Variants in RPRD2 observed in about 807,000 individuals in gnomAD.
RPRD2 encodes the protein regulation of nuclear pre-mRNA domain containing 2.
In RPRD2, 12 loss-of-function variants were observed where a neutral mutation model predicts 104.4. The observed-to-expected ratio is 0.11, with a 90% CI of 0.07 to 0.19. RPRD2 has a LOEUF of 0.19. RPRD2 is among the 10% of genes least tolerant of loss of function. The pLI is 1.00. For synonymous variants in RPRD2, 714 were observed against 684.9 expected, an observed-to-expected ratio of 1.04 and a Z score of -0.66; for missense variants, 1,543 against 1,790.1, an observed-to-expected ratio of 0.86 and a Z score of 2.49.
chr1:150,460,985 A>G (rs1341084647), intron 9 of RPRD2, among the ~76,000 whole-genome samples: 2 of 152,140 alleles, frequency 1.3e-5, no homozygotes, highest in African/African-American at 4.8e-5. Context: ...TTGGCCTCCC[A>G]AAGTGCTGGG....
Position 150,471,585 on chromosome 1 carries a change from A to G in RPRD2, c.2637A>G (p.Arg879=). Residue 879 remains arginine (R), a synonymous_variant, in exon 11 of 11, where the codon AGA becomes AGG. Coordinates refer to ENST00000369068, the MANE Select transcript of RPRD2 (RefSeq NM_015203.5). This position sits in a 1 kb window ranked among gnomAD's most constrained non-coding sequence, Gnocchi z 5.3. ...YQPILSSYSH[R]AQEFGVKSAF... is the part of the protein sequence containing the mutation. ...CAATTCTGTCCAGTTATAGCCACAG[A>G]GCCCAAGAATTTGGGGTAAAGTCTG... The G allele has an allele frequency of 1.2e-6, 2 of 1,613,742 alleles. No homozygotes were observed. The highest frequency in any genetic ancestry group is 1.7e-6 in the Non-Finnish European group (2 of 1,179,822).
chr1:150,418,460 G>T (rs1664528457), intron 2 of RPRD2, among the ~76,000 whole-genome samples: 1 of 151,934 alleles, frequency 6.6e-6, no homozygotes, highest in Admixed American at 6.6e-5. Context: ...TTCCCTCCAT[G>T]AAATCTGTAA....
intron 1 of RPRD2, among the ~76,000 whole-genome samples, chr1:150,402,568 C>T (rs1401885805): frequency 6.6e-6 from 1 of 152,132 alleles, no homozygotes; most frequent in Admixed American, 6.5e-5. Context: ...CCCAGCTACT[C>T]AGGTGACTGA....
At chr1:150,408,150 T>G (rs1553886936) in intron 1 of RPRD2, among the ~76,000 whole-genome samples, 1 of 149,016 alleles carries the variant, frequency 6.7e-6, no homozygotes, top group Non-Finnish European at 1.5e-5. Flanking sequence ...TTTTAAAATA[T>G]TCATATGATT....
chr1:150,443,333 G>A (rs1666532793), intron 5 of RPRD2, 50 bp downstream of exon 5: 2 of 1,268,756 alleles, frequency 1.6e-6, no homozygotes, highest in African/African-American at 1.5e-5. Context: ...CACCCCTTTT[G>A]TATTATAGTT....
rs1297350600 is a variant in RPRD2 at position 150,471,840 on chromosome 1, C to G, written c.2892C>G (p.Asp964Glu). The G allele has an allele frequency of 6.2e-7, 1 of 1,613,980 alleles. No homozygotes were observed. Among genetic ancestry groups the G allele is most frequent in the Admixed American group, 1.7e-5 (1 of 60,014 alleles). Residue 964 changes from aspartate (D) to glutamate (E), a missense_variant, in exon 11 of 11, where the codon GAC (aspartate) becomes GAG (glutamate). Transcript: ENST00000369068. This position sits in a 1 kb window ranked among gnomAD's most constrained non-coding sequence, Gnocchi z 5.3. ...HLSLPQKQYP[D>E]SPHPVPHRSL... ...GTTTGCCACAGAAGCAGTACCCAGA[C>G]TCTCCTCACCCAGTCCCACATCGTT...
intron 1 of RPRD2, among the ~76,000 whole-genome samples, chr1:150,393,967 G>A (rs1407066685): frequency 6.6e-6 from 1 of 152,138 alleles, no homozygotes; most frequent in Non-Finnish European, 1.5e-5. Flanking sequence ...AAACAGTCTG[G>A]TGATTGTTGG....
intron 1 of RPRD2, among the ~76,000 whole-genome samples, chr1:150,397,448 A>G (rs1265139271): frequency 6.6e-6 from 1 of 152,138 alleles, no homozygotes; most frequent in Admixed American, 6.6e-5. Context: ...TAGAACTTAT[A>G]TAAGTTCTGT....
intron 6 of RPRD2, 71 bp from the exon 7 acceptor site, chr1:150,446,155 C>A: frequency 1.8e-6 from 2 of 1,133,674 alleles, no homozygotes; most frequent in Non-Finnish European, 2.4e-6. Context: ...AGGTTTTCTT[C>A]AAAAGTCAAA....
Position 150,473,403 on chromosome 1 carries a change from G to A in RPRD2, c.*69G>A. 5.6e-6 allele frequency: 8 copies of A among 1,422,254 alleles called. No homozygotes were observed. Among genetic ancestry groups the A allele is most frequent in the Non-Finnish European group, 7.5e-6 (8 of 1,065,324 alleles). The allele number at this position is 1,422,254 out of a possible 1,614,324, so 88.1% of individuals were successfully genotyped here. ...GGAAGTAGGAGTTTGGTTTATTGTTGTTGTTTTTATTTGTTTTCTCTTTCT... is the reference window on the plus strand; with the variant it reads ...GGAAGTAGGAGTTTGGTTTATTGTTATTGTTTTTATTTGTTTTCTCTTTCT... On this transcript the variant is annotated 3_prime_UTR_variant, in exon 11 of 11. Transcript: ENST00000369068.
Position 150,438,022 on chromosome 1 carries a change from G to A in RPRD2, c.336-2901G>A, listed in dbSNP as rs182564116. 4.8e-3 allele frequency among the ~76,000 whole-genome samples: 698 copies of A among 144,144 alleles called. 6 individuals are homozygous for A. The highest frequency in any genetic ancestry group is 0.016 in the African/African-American group (650 of 39,442). 94.6% of individuals were successfully genotyped at this position (144,144 alleles called of 152,430 possible). On this transcript the variant is annotated intron_variant, in intron 2 of 10. Transcript: ENST00000369068. ...AGTTGAGCCAGGAACCGTGGCTCAC[G>A]CCTGTAACCCCAGCACTTTGGGAGG... is the stretch of plus-strand genomic sequence containing the variant.
chr1:150,401,169 A>G (rs115243900), intron 1 of RPRD2, among the ~76,000 whole-genome samples: 2,105 of 149,504 alleles, frequency 0.014, 54 homozygotes, highest in African/African-American at 0.049. Flanking sequence ...AGAGCGAGAC[A>G]TCATCTCATA....
chr1:150,400,521 A>G (rs1421315923), intron 1 of RPRD2, among the ~76,000 whole-genome samples: 1 of 152,144 alleles, frequency 6.6e-6, no homozygotes, highest in African/African-American at 2.4e-5. Context: ...TGGCATGCGC[A>G]GTTAACAATA....
Position 150,474,123 on chromosome 1 carries a change from C to T in RPRD2, c.*789C>T, listed in dbSNP as rs1430268632. The stretch of plus-strand genomic sequence containing the variant: ...AGTTTCACATGTCTTGCACCAAGCT[C>T]ATGCCTCTTGCTTTTCCTTTTTGAC... On this transcript the variant is annotated 3_prime_UTR_variant, in exon 11 of 11. Transcript: ENST00000369068. 6.6e-6 allele frequency: 1 copy of T among 152,208 alleles called. No individual in the cohort carries two copies. Among genetic ancestry groups the T allele is most frequent in the Non-Finnish European group, 1.5e-5 (1 of 68,044 alleles). 9.4% of individuals were successfully genotyped at this position (152,208 alleles called of 1,614,324 possible).
At chr1:150,406,640 C>G (rs1217477931) in intron 1 of RPRD2, among the ~76,000 whole-genome samples, 1 of 152,170 alleles carries the variant, frequency 6.6e-6, no homozygotes, top group African/African-American at 2.4e-5. Flanking sequence ...CTCAAATGAT[C>G]CTCCTGCCTA....
At chr1:150,457,594 A>G in intron 8 of RPRD2, 24 bp downstream of exon 8, 1 of 1,604,004 alleles carries the variant, frequency 6.2e-7, no homozygotes, top group Non-Finnish European at 8.5e-7. Context: ...TGATTAATAG[A>G]CAACTTATTC....
At chr1:150,441,551 C>T in intron 3 of RPRD2, 1 of 236,360 alleles carries the variant, frequency 4.2e-6, no homozygotes, top group South Asian at 7.6e-5. Context: ...GCTACCATGA[C>T]CGTCATTTTA....
At chr1:150,406,767 T>C (rs1334232068) in intron 1 of RPRD2, among the ~76,000 whole-genome samples, 1 of 152,154 alleles carries the variant, frequency 6.6e-6, no homozygotes, top group Non-Finnish European at 1.5e-5. Flanking sequence ...CAGACTGGAG[T>C]GCAATGGCGT....
Position 150,446,273 on chromosome 1 carries a change from T to G in RPRD2, c.742T>G (p.Ser248Ala). The stretch of plus-strand genomic sequence containing the variant: ...CTCCAAAGAATTTGAAGAGGCAAGC[T>G]CCAAGCTGGAAGAATTTGTGAATGG... ...KFSKEFEEAS[S>A]KLEEFVNGLD... The change falls in exon 7 of 11, where the codon TCC becomes GCC. Residue 248 changes from serine (S) to alanine (A), a missense_variant. Transcript: ENST00000369068. The G allele has an allele frequency of 1.9e-6, 3 of 1,607,610 alleles. No individual in the cohort carries two copies. The highest frequency in any genetic ancestry group is 2.5e-6 in the Non-Finnish European group (3 of 1,178,122).
Sources: gnomAD v4.1 joint callset for allele counts (sites outside exome capture counted in the v4.1 genomes callset) on GRCh38, gnomAD v4.1.1 for gene constraint, Gnocchi (gnomAD v3.1) non-coding constraint, MANE v1.5 for transcripts, NCBI Gene and HGNC (gene_info 2026-07-23, HGNC 2026-07-21) for gene names.